The following PDE1C variants were observed in gnomAD, a reference collection of about 807,000 sequenced individuals.
The protein encoded by PDE1C is dual specificity calcium/calmodulin-dependent 3',5'-cyclic nucleotide phosphodiesterase 1C.
Under a neutral mutation model 93.1 loss-of-function variants are expected in PDE1C, and 62 were observed. The observed-to-expected ratio is 0.67, with a 90% confidence interval of 0.54 to 0.82. The LOEUF (loss-of-function observed/expected upper bound fraction) is 0.82, where lower values mean the gene tolerates loss of function less well. Among genes scored for constraint, PDE1C ranks in the 40% least tolerant of loss-of-function variants. The pLI, the probability that PDE1C is intolerant of heterozygous loss-of-function variation, is 0.00. For synonymous variants in PDE1C, 325 were observed against 310.1 expected (o/e 1.05, Z -0.50); for missense variants, 742 against 884.6 (o/e 0.84, Z 2.04).
At chr7:32,272,484 A>T (rs914942851) in intron 1 of PDE1C, among the ~76,000 whole-genome samples, 1 of 152,232 alleles carries the variant, frequency 6.6e-6, no homozygotes, top group African/African-American at 2.4e-5. Context: ...ATTTGCACAA[A>T]TCAATAGAGT....
intron 1 of PDE1C, among the ~76,000 whole-genome samples, chr7:32,314,623 C>G (rs951577435): frequency 8.5e-5 from 13 of 152,130 alleles, no homozygotes; most frequent in Admixed American, 6.6e-5. Context: ...CATCTCATTT[C>G]AAGCCCTCAG....
intron 3 of PDE1C, among the ~76,000 whole-genome samples, chr7:32,143,062 G>A (rs1800628302): frequency 1.3e-5 from 2 of 152,048 alleles, no homozygotes; most frequent in East Asian, 3.9e-4. Flanking sequence ...TGGAGAGATT[G>A]CCGTAAGAGA....
chr7:32,024,784 C>T (rs902426436), intron 2 of PDE1C, among the ~76,000 whole-genome samples: 4 of 152,080 alleles, frequency 2.6e-5, no homozygotes, highest in Non-Finnish European at 5.9e-5. Context: ...ATTTTATCAA[C>T]AACCATGTTT....
At chr7:32,235,521 T>C (rs990503030) in intron 1 of PDE1C, among the ~76,000 whole-genome samples, 6 of 151,896 alleles carry the variant, frequency 4.0e-5, no homozygotes, top group South Asian at 4.1e-4. Context: ...CAGTGGACAA[T>C]TGGAAACTAA....
intron 1 of PDE1C, among the ~76,000 whole-genome samples, chr7:32,287,441 C>A (rs1812065329): frequency 6.6e-6 from 1 of 152,240 alleles, no homozygotes. Flanking sequence ...TTAGATACCC[C>A]TGCTGGGCAT....
intron 2 of PDE1C, among the ~76,000 whole-genome samples, chr7:32,007,596 T>C (rs974197115): frequency 6.6e-5 from 10 of 152,200 alleles, no homozygotes; most frequent in African/African-American, 2.4e-4. Flanking sequence ...GGTCTTTGCC[T>C]TTTCTGTCCA....
intron 3 of PDE1C, among the ~76,000 whole-genome samples, chr7:32,128,917 A>T (rs1799747344): frequency 2.1e-5 from 1 of 48,468 alleles, no homozygotes; most frequent in African/African-American, 8.1e-5. Flanking sequence ...ATATATATAT[A>T]TATATATATA....
chr7:31,733,095 C>G, the PDE1C span, among the ~76,000 whole-genome samples: 1,312 of 152,190 alleles, frequency 8.6e-3, 15 homozygotes, highest in Middle Eastern at 0.014. Context: ...AAGGTTTTCC[C>G]CTAAAGGGCA....
intron 1 of PDE1C, among the ~76,000 whole-genome samples, chr7:32,267,068 CA>C (rs962476095): frequency 6.6e-6 from 1 of 152,252 alleles, no homozygotes; most frequent in African/African-American, 2.4e-5. Flanking sequence ...TCGCCTGCCT[CA>C]GTTTCCCTGC....
chr7:31,834,471 T>A (rs1281606144), intron 11 of PDE1C, among the ~76,000 whole-genome samples: 1 of 152,156 alleles, frequency 6.6e-6, no homozygotes, highest in Non-Finnish European at 1.5e-5. Context: ...GGGACAGAGC[T>A]GCCCAAGACC....
intron 1 of PDE1C, among the ~76,000 whole-genome samples, chr7:32,255,080 A>T (rs1328394058): frequency 6.6e-6 from 1 of 152,172 alleles, no homozygotes; most frequent in African/African-American, 2.4e-5. Flanking sequence ...CAGAAACCCA[A>T]GTCTCTGTTT....
intron 12 of PDE1C, among the ~76,000 whole-genome samples, chr7:31,825,411 G>A (rs762711651): frequency 6.6e-6 from 1 of 152,104 alleles, no homozygotes; most frequent in African/African-American, 2.4e-5. Flanking sequence ...TGTAAGATGT[G>A]TCTGGGGACT....
At chr7:31,697,280 A>C in the PDE1C span, among the ~76,000 whole-genome samples, 5 of 152,216 alleles carry the variant, frequency 3.3e-5, no homozygotes, top group Non-Finnish European at 5.9e-5. Context: ...TTTTAGGTTT[A>C]TCTCTACTAG....
At chr7:32,073,433 T>A (rs1291365064), upstream of PDE1C, among the ~76,000 whole-genome samples, 1 of 152,148 alleles carries the variant, frequency 6.6e-6, no homozygotes, top group Non-Finnish European at 1.5e-5. Context: ...TTAAATAATA[T>A]AAGGAACTCA....
intron 1 of PDE1C, among the ~76,000 whole-genome samples, chr7:32,336,159 A>G (rs933132030): frequency 2.0e-5 from 3 of 152,212 alleles, no homozygotes; most frequent in Non-Finnish European, 4.4e-5. Context: ...GAGGCAAGAG[A>G]GTCTAATTAA....
At chr7:32,295,674 G>A (rs1812574456) in intron 1 of PDE1C, among the ~76,000 whole-genome samples, 2 of 152,136 alleles carry the variant, frequency 1.3e-5, no homozygotes. Flanking sequence ...GGTGGATCAT[G>A]AGGTCAGGAG....
chr7:32,378,161 G>GC (rs970743342), intron 1 of PDE1C, among the ~76,000 whole-genome samples: 2 of 152,042 alleles, frequency 1.3e-5, no homozygotes, highest in African/African-American at 4.8e-5. Flanking sequence ...TTTTATGTCA[G>GC]CCCCCCACCT....
chr7:31,879,276 G>C (rs1796967925), intron 3 of PDE1C, 98 bp from the exon 4 acceptor site: 2 of 1,195,612 alleles, frequency 1.7e-6, no homozygotes, highest in Non-Finnish European at 2.3e-6. Flanking sequence ...CTGCATGTTA[G>C]GTGCAAAGAA....
At chr7:31,837,739 A>G (rs1791299280) in intron 10 of PDE1C, 131 bp downstream of exon 10, 2 of 625,554 alleles carry the variant, frequency 3.2e-6, no homozygotes, top group South Asian at 2.3e-5. Flanking sequence ...TTCTCCTTCA[A>G]ACATAATCAT....
Sources: allele counts gnomAD v4.1 joint callset (sites outside exome capture counted in the v4.1 genomes callset), GRCh38; gene constraint gnomAD v4.1.1; transcripts MANE v1.5; gene names NCBI Gene and HGNC (gene_info 2026-07-23, HGNC 2026-07-21).